XKR6: variants seen among roughly 807,000 people sequenced by gnomAD.
XKR6 encodes the protein XK-related protein 6.
Under a neutral mutation model 56.7 loss-of-function variants are expected in XKR6, and 22 were observed. The ratio of observed to expected loss-of-function variants is 0.39; its 90% CI spans 0.28 to 0.55. The LOEUF (loss-of-function observed/expected upper bound fraction) is 0.55, where lower values mean the gene tolerates loss of function less well. Ranked by LOEUF, XKR6 falls within the 20% of genes least tolerant of loss-of-function variation. The pLI is 0.66. For synonymous variants in XKR6, 524 were observed against 387.8 expected, an observed-to-expected ratio of 1.35 and a Z score of -4.13; for missense variants, 852 against 889.0, an observed-to-expected ratio of 0.96 and a Z score of 0.53.
At position 11,200,404 on chromosome 8, in the gene XKR6, C is replaced by T. The variant is rs1018871407; in HGVS notation, c.764+172G>A. ...GGCCTCCCCGGGCCAAAGGCGTGGC[C>T]AGGGATCCAGATCAAACGCCGGTCT... On this transcript the variant is annotated intron_variant, in intron 1 of 2. Coordinates refer to ENST00000416569, the MANE Select transcript of XKR6 (RefSeq NM_173683.4). This position sits in a 1 kb window ranked among gnomAD's most constrained non-coding sequence, Gnocchi z 6.4. Among the ~76,000 whole-genome samples, 1 of 152,216 alleles carries T rather than the reference C, an allele frequency of 6.6e-6. No individual in the cohort carries two copies. The highest frequency in any genetic ancestry group is 1.5e-5 in the Non-Finnish European group (1 of 68,032).
At chr8:10,991,518 A>G (rs1797993289) in intron 1 of XKR6, among the ~76,000 whole-genome samples, 1 of 152,200 alleles carries the variant, frequency 6.6e-6, no homozygotes, top group Non-Finnish European at 1.5e-5. Context: ...CGATGAGTCT[A>G]TCTTTTCTGG....
rs566157999 is a variant in XKR6, at chr8:10,928,547, C to T, written c.765-3717G>A. On this transcript the variant is annotated intron_variant, in intron 1 of 2. Coordinates refer to ENST00000416569, the MANE Select transcript of XKR6 (RefSeq NM_173683.4). ...CTGGGTGACCTCTGAGGCTGCGCTG[C>T]CAGCCGCCTCCTGCAGAGTCTCCCA... 3.9e-5 allele frequency among the ~76,000 whole-genome samples: 6 copies of T among 152,150 alleles called. No individual in the cohort carries two copies. In the East Asian group the frequency reaches 1.2e-3, roughly 29 times the overall value.
At chr8:11,115,710 G>A (rs1260838928) in intron 1 of XKR6, among the ~76,000 whole-genome samples, 1 of 152,098 alleles carries the variant, frequency 6.6e-6, no homozygotes, top group Non-Finnish European at 1.5e-5. Flanking sequence ...TTTCTGCCTA[G>A]GGTCCCATTA....
intron 1 of XKR6, among the ~76,000 whole-genome samples, chr8:11,069,239 C>G (rs1027290196): frequency 2.7e-5 from 4 of 148,356 alleles, no homozygotes; most frequent in Non-Finnish European, 6.0e-5. Context: ...AAAAGATATG[C>G]CAAAAAAAAA....
intron 1 of XKR6, among the ~76,000 whole-genome samples, chr8:10,926,562 T>C (rs1388329582): frequency 6.6e-6 from 1 of 152,206 alleles, no homozygotes; most frequent in East Asian, 1.9e-4. Flanking sequence ...ATTGCAATGA[T>C]GGCCCCATCA....
At chr8:11,143,791 T>G (rs7834295) in intron 1 of XKR6, among the ~76,000 whole-genome samples, 45,090 of 152,092 alleles carry the variant, frequency 0.3, 11,896 homozygotes, top group African/African-American at 0.71. Flanking sequence ...CTAAGCTACT[T>G]CATTCGACTC....
chr8:11,064,828 T>C (rs1379193554), intron 1 of XKR6, among the ~76,000 whole-genome samples: 2 of 152,204 alleles, frequency 1.3e-5, no homozygotes, highest in Admixed American at 6.5e-5. Flanking sequence ...AGGATACTTA[T>C]TGTCACTGGG....
chr8:11,005,603 T>A (rs1443039304), intron 1 of XKR6, among the ~76,000 whole-genome samples: 1 of 152,152 alleles, frequency 6.6e-6, no homozygotes, highest in Non-Finnish European at 1.5e-5. Context: ...AATATGATGA[T>A]ACGAGTGTGT....
At chr8:11,154,502 A>G (rs984737932) in intron 1 of XKR6, among the ~76,000 whole-genome samples, 3 of 152,176 alleles carry the variant, frequency 2.0e-5, no homozygotes, top group Admixed American at 6.5e-5. Context: ...TTAATAAACC[A>G]TAACAATAAG....
chr8:11,133,279 C>A (rs1443419722), intron 1 of XKR6, among the ~76,000 whole-genome samples: 1 of 152,088 alleles, frequency 6.6e-6, no homozygotes, highest in Non-Finnish European at 1.5e-5. Flanking sequence ...AAAAATACGG[C>A]GTCAGCTTCA....
At chr8:11,095,924 T>C (rs373599356) in intron 1 of XKR6, among the ~76,000 whole-genome samples, 25 of 152,350 alleles carry the variant, frequency 1.6e-4, no homozygotes, top group African/African-American at 5.8e-4. Context: ...TAAAACTAAC[T>C]TTAATTGTCA....
chr8:11,115,183 T>G (rs1049228879), intron 1 of XKR6, among the ~76,000 whole-genome samples: 18 of 152,210 alleles, frequency 1.2e-4, no homozygotes, highest in Non-Finnish European at 8.8e-5. Flanking sequence ...GCTGTTGCTG[T>G]CAATGACCTC....
intron 1 of XKR6, among the ~76,000 whole-genome samples, chr8:10,957,124 T>C (rs1199465216): frequency 5.9e-5 from 9 of 152,128 alleles, no homozygotes; most frequent in Admixed American, 5.2e-4. Context: ...TTAATTTTTG[T>C]ATTTTTAGTA....
chr8:11,125,607 T>C lies in XKR6; in HGVS notation c.764+74969A>G, dbSNP rs538814597. Among the ~76,000 whole-genome samples the C allele has an allele frequency of 4.6e-5, 7 of 152,170 alleles. No individual in the cohort carries two copies. The East Asian group carries it at 7.7e-4, about 17-fold the overall frequency. ...TGAGACCTATACACTCTAACTGAAA[T>C]ACCTAATAAACAGCCGTGCGAAGGA... On this transcript the variant is annotated intron_variant, in intron 1 of 2. Transcript: ENST00000416569.
At chr8:11,177,774 G>A in intron 1 of XKR6, among the ~76,000 whole-genome samples, 1 of 152,212 alleles carries the variant, frequency 6.6e-6, no homozygotes, top group East Asian at 1.9e-4. Flanking sequence ...GAATCTCAGG[G>A]GAGCAGTGCC....
chr8:10,975,185 C>A (rs1288637784), intron 1 of XKR6, among the ~76,000 whole-genome samples: 1 of 152,174 alleles, frequency 6.6e-6, no homozygotes, highest in African/African-American at 2.4e-5. Flanking sequence ...AATGGGGAAC[C>A]TGAGAGGAAC....
chr8:11,175,424 A>G (rs1585019037), intron 1 of XKR6: 2 of 175,086 alleles, frequency 1.1e-5, no homozygotes, highest in African/African-American at 2.4e-5. Flanking sequence ...TCATGGCTGG[A>G]CTAACCCATA....
At chr8:10,977,941 C>A (rs977782544) in intron 1 of XKR6, among the ~76,000 whole-genome samples, 2 of 152,190 alleles carry the variant, frequency 1.3e-5, no homozygotes, top group South Asian at 4.2e-4. Flanking sequence ...GACTCCAGAA[C>A]GTACCATTTT....
chr8:10,980,512 G>C (rs1014104495), intron 1 of XKR6, among the ~76,000 whole-genome samples: 2 of 152,200 alleles, frequency 1.3e-5, no homozygotes, highest in Non-Finnish European at 2.9e-5. Context: ...CTTAACAGCA[G>C]GAACGTGCCT....
Sources: gnomAD v4.1 joint callset for allele counts (sites outside exome capture counted in the v4.1 genomes callset) on GRCh38, gnomAD v4.1.1 for gene constraint, Gnocchi (gnomAD v3.1) non-coding constraint, MANE v1.5 for transcripts, NCBI Gene and HGNC (gene_info 2026-07-23, HGNC 2026-07-21) for gene names.